EPHA6: variants seen among roughly 807,000 people sequenced by gnomAD.
EPHA6 encodes EPH receptor A6.
EPHA6 carries 50 observed loss-of-function variants against 112.0 expected under a neutral mutation model. The ratio of observed to expected loss-of-function variants is 0.45; its 90% CI spans 0.36 to 0.56. EPHA6 has a LOEUF of 0.56. Ranked by LOEUF, EPHA6 falls within the 20% of genes least tolerant of loss-of-function variation. The pLI is 0.00. For missense variants in EPHA6, 1,280 were observed against 1,417.4 expected, an observed-to-expected ratio of 0.90 and a Z score of 1.56; for synonymous variants, 529 against 490.7, an observed-to-expected ratio of 1.08 and a Z score of -1.03.
intron 3 of EPHA6, among the ~76,000 whole-genome samples, chr3:97,124,829 G>A (rs1489227191): frequency 6.6e-6 from 1 of 152,164 alleles, no homozygotes; most frequent in Non-Finnish European, 1.5e-5. Context: ...ACCCACAGGG[G>A]ATGCTTCTGC....
chr3:97,167,055 A>G (rs993811169), intron 3 of EPHA6, among the ~76,000 whole-genome samples: 1 of 152,166 alleles, frequency 6.6e-6, no homozygotes, highest in African/African-American at 2.4e-5. Flanking sequence ...TACCAGAGGC[A>G]CCATTCATAT....
At chr3:97,239,445 A>AT (rs1163146793) in intron 4 of EPHA6, among the ~76,000 whole-genome samples, 1 of 151,920 alleles carries the variant, frequency 6.6e-6, no homozygotes, top group African/African-American at 2.4e-5. Flanking sequence ...CCCCAAACTT[A>AT]ACTACTAATA....
intron 10 of EPHA6, among the ~76,000 whole-genome samples, chr3:97,496,931 T>A (rs1223992643): frequency 1.3e-5 from 2 of 152,178 alleles, no homozygotes; most frequent in Non-Finnish European, 2.9e-5. Context: ...GAGATTTGCA[T>A]GTTCTGTGTG....
At position 97,314,638 on chromosome 3, in the gene EPHA6, A is replaced by G. The variant is rs749280324; in HGVS notation, c.1606+70351A>G. Reference sequence around the variant, plus strand: ...AATACAAGACAGGTAACATTTTTATAAGCAAGAGAATAAATTCTAAAATGT... The same window carrying G: ...AATACAAGACAGGTAACATTTTTATGAGCAAGAGAATAAATTCTAAAATGT... On this transcript the variant is annotated intron_variant, in intron 5 of 17. Transcript: ENST00000389672. Among the ~76,000 whole-genome samples, 3 of 151,742 alleles carry G rather than the reference A, an allele frequency of 2.0e-5. No homozygotes were observed. The Admixed American group carries it at 2.0e-4, about 10-fold the overall frequency.
At chr3:97,497,085 A>G (rs1408845327) in intron 10 of EPHA6, among the ~76,000 whole-genome samples, 2 of 152,154 alleles carry the variant, frequency 1.3e-5, no homozygotes, top group African/African-American at 2.4e-5. Context: ...ACTCCGTGGT[A>G]TGTTCTCCTA....
intron 11 of EPHA6, among the ~76,000 whole-genome samples, chr3:97,568,271 A>G (rs535259591): frequency 2.7e-4 from 41 of 152,356 alleles, no homozygotes; most frequent in African/African-American, 9.4e-4. Flanking sequence ...TTCCAGAATT[A>G]CAGAGAATCA....
At chr3:97,328,527 A>G (rs1360771917) in intron 5 of EPHA6, among the ~76,000 whole-genome samples, 2 of 151,832 alleles carry the variant, frequency 1.3e-5, no homozygotes, top group Non-Finnish European at 2.9e-5. Flanking sequence ...TTCTTTTCAC[A>G]TTCTCTAATT....
intron 14 of EPHA6, among the ~76,000 whole-genome samples, chr3:97,661,651 G>T (rs1333959633): frequency 6.6e-6 from 1 of 152,032 alleles, no homozygotes; most frequent in Non-Finnish European, 1.5e-5. Flanking sequence ...ATCTTAGCTG[G>T]TTATTCTTAA....
chr3:96,934,046 T>A (rs892705480), intron 2 of EPHA6, among the ~76,000 whole-genome samples: 29 of 152,030 alleles, frequency 1.9e-4, no homozygotes, highest in African/African-American at 6.5e-4. Context: ...CCAAAATAAT[T>A]GGTTCATATT....
intron 3 of EPHA6, among the ~76,000 whole-genome samples, chr3:97,008,949 T>A (rs2043983139): frequency 6.6e-6 from 1 of 152,114 alleles, no homozygotes; most frequent in Non-Finnish European, 1.5e-5. Context: ...TTCGCCCCCC[T>A]GCCTGGAGAT....
At chr3:97,678,439 C>A (rs944159332) in intron 14 of EPHA6, among the ~76,000 whole-genome samples, 1 of 152,070 alleles carries the variant, frequency 6.6e-6, no homozygotes, top group Non-Finnish European at 1.5e-5. Flanking sequence ...ACCCAGAAGA[C>A]GAGCGCTTCC....
intron 7 of EPHA6, among the ~76,000 whole-genome samples, chr3:97,458,113 TACAC>T (rs1370986402): frequency 6.7e-6 from 1 of 149,334 alleles, no homozygotes; most frequent in African/African-American, 2.5e-5. Context: ...GTATTCATGT[TACAC>T]TTTACTTTTT....
intron 3 of EPHA6, among the ~76,000 whole-genome samples, chr3:97,218,404 G>C (rs1277413942): frequency 6.6e-6 from 1 of 152,254 alleles, no homozygotes; most frequent in South Asian, 2.1e-4. Flanking sequence ...ATTCAGCATG[G>C]CTGGGGAAGC....
intron 14 of EPHA6, among the ~76,000 whole-genome samples, chr3:97,704,032 A>G (rs776044742): frequency 4.3e-4 from 65 of 152,060 alleles, no homozygotes; most frequent in African/African-American, 1.1e-3. Flanking sequence ...TTTAATATAG[A>G]CTAAATTATA....
intron 17 of EPHA6, 28 bp from the exon 18 acceptor site, chr3:97,748,559 C>T (rs369784793): frequency 5.1e-6 from 6 of 1,177,942 alleles, no homozygotes; most frequent in Non-Finnish European, 7.6e-6. Flanking sequence ...CACTCTCGCT[C>T]TCACTCTTGC....
At chr3:97,081,101 AG>A (rs1259653778) in intron 3 of EPHA6, among the ~76,000 whole-genome samples, 1 of 151,266 alleles carries the variant, frequency 6.6e-6, no homozygotes, top group African/African-American at 2.4e-5. Flanking sequence ...GAAAAAAAAA[AG>A]ATTTTTGTCA....
chr3:96,876,429 A>G (rs1270717006), intron 2 of EPHA6, among the ~76,000 whole-genome samples: 2 of 151,344 alleles, frequency 1.3e-5, no homozygotes, highest in East Asian at 1.9e-4. Flanking sequence ...CCATAGTTGC[A>G]TCCTAGATTG....
In EPHA6 at chr3:97,477,333, T is replaced by C. The variant is rs184212892; in HGVS notation, c.2003+1873T>C. Among the ~76,000 whole-genome samples, 287 of 152,134 alleles carry C rather than the reference T, an allele frequency of 1.9e-3. 3 individuals are homozygous for C. The highest frequency in any genetic ancestry group is 6.7e-3 in the African/African-American group (279 of 41,528). On this transcript the variant is annotated intron_variant, in intron 8 of 17. Transcript: ENST00000389672. ...CTAAACATCCTGGTGGAGGTCTAAG[T>C]TTTCTGAGAAAGATTAAAATTATTC... is the stretch of plus-strand genomic sequence containing the variant.
At chr3:97,333,427 G>T (rs1452471620) in intron 5 of EPHA6, among the ~76,000 whole-genome samples, 1 of 148,346 alleles carries the variant, frequency 6.7e-6, no homozygotes, top group East Asian at 2.0e-4. Context: ...TCTGCAACCA[G>T]AAAGAGTTTT....
Sources: allele counts gnomAD v4.1 joint callset (sites outside exome capture counted in the v4.1 genomes callset), GRCh38; gene constraint gnomAD v4.1.1; transcripts MANE v1.5; gene names NCBI Gene and HGNC (gene_info 2026-07-23, HGNC 2026-07-21).